RANBP2: variants seen among roughly 807,000 people sequenced by gnomAD.
RANBP2 encodes RAN binding protein 2, also known as E3 SUMO-protein ligase RanBP2.
In RANBP2, 57 loss-of-function variants were observed where a neutral mutation model predicts 303.6. The ratio of observed to expected loss-of-function variants is 0.19; its 90% CI spans 0.15 to 0.23. The LOEUF is 0.23. RANBP2 is among the 10% of genes least tolerant of loss of function. The probability of loss-of-function intolerance (pLI) is 1.00; values close to 1 mark genes in which losing one functional copy is unlikely to be tolerated. For missense variants in RANBP2, 3,138 were observed against 3,780.8 expected (o/e 0.83, Z 4.46); for synonymous variants, 1,167 against 1,301.5 (o/e 0.90, Z 2.23).
the RANBP2 span, among the ~76,000 whole-genome samples, chr2:109,223,101 CAG>C: frequency 1.4e-4 from 21 of 152,384 alleles, no homozygotes; most frequent in East Asian, 3.9e-4. Context: ...CCATCCCAGA[CAG>C]GGGGAAGCAG....
the RANBP2 span, among the ~76,000 whole-genome samples, chr2:109,306,489 T>A: frequency 6.6e-6 from 1 of 152,092 alleles, no homozygotes; most frequent in African/African-American, 2.4e-5. Context: ...GCAGGTGCCA[T>A]GGAGGGGCAG....
chr2:109,169,753 T>TACAC, the RANBP2 span, among the ~76,000 whole-genome samples: 494 of 149,792 alleles, frequency 3.3e-3, 2 homozygotes, highest in African/African-American at 0.011. Flanking sequence ...AAAACAACCA[T>TACAC]ACACACACAC....
At chr2:109,505,714 C>T in the RANBP2 span, among the ~76,000 whole-genome samples, 5 of 152,082 alleles carry the variant, frequency 3.3e-5, no homozygotes, top group African/African-American at 7.2e-5. Context: ...ATGAATTGCC[C>T]CAGGTCACAT....
At chr2:109,041,377 C>T in the RANBP2 span, among the ~76,000 whole-genome samples, 1 of 152,090 alleles carries the variant, frequency 6.6e-6, no homozygotes, top group African/African-American at 2.4e-5. Flanking sequence ...TGTCATGATC[C>T]CTATTTCAAA....
the RANBP2 span, among the ~76,000 whole-genome samples, chr2:108,843,876 G>GTGTGTT: frequency 2.7e-3 from 38 of 13,892 alleles, no homozygotes; most frequent in Admixed American, 3.2e-3. Flanking sequence ...GTGTGTGTGT[G>GTGTGTT]TGTTTCTTTC....
the RANBP2 span, among the ~76,000 whole-genome samples, chr2:109,670,870 T>A: frequency 1.3e-5 from 2 of 152,164 alleles, no homozygotes; most frequent in African/African-American, 2.4e-5. Flanking sequence ...GGTCTGAGTT[T>A]CTGCTGCTCC....
intron 1 of RANBP2, among the ~76,000 whole-genome samples, chr2:108,728,731 A>G (rs1205873258): frequency 1.2e-4 from 18 of 151,630 alleles, no homozygotes; most frequent in Non-Finnish European, 2.5e-4. Flanking sequence ...TGCAACCTCC[A>G]CCTCCTGGGT....
At chr2:109,127,058 C>G in the RANBP2 span, among the ~76,000 whole-genome samples, 12 of 152,322 alleles carry the variant, frequency 7.9e-5, 1 homozygote, top group South Asian at 1.5e-3. Flanking sequence ...CTTCGGCCCT[C>G]AAGGGAAGCC....
At chr2:109,420,417 A>AT in the RANBP2 span, among the ~76,000 whole-genome samples, 2 of 151,910 alleles carry the variant, frequency 1.3e-5, no homozygotes, top group Non-Finnish European at 2.9e-5. Context: ...ACAGAACAGG[A>AT]TTTTTTGTTG....
At chr2:108,912,568 G>A in the RANBP2 span, 1 of 1,050,470 alleles carries the variant, frequency 9.5e-7, no homozygotes, top group Non-Finnish European at 1.4e-6. Flanking sequence ...GTGAGGCCAG[G>A]TGGGGAAGCG....
At chr2:109,026,351 A>G in the RANBP2 span, among the ~76,000 whole-genome samples, 25 of 136,496 alleles carry the variant, frequency 1.8e-4, 1 homozygote, top group Admixed American at 7.4e-4. Context: ...CTGGTCCTGA[A>G]CTCCTAGGCT....
chr2:108,799,489 G>C, the RANBP2 span, among the ~76,000 whole-genome samples: 3 of 152,142 alleles, frequency 2.0e-5, no homozygotes, highest in Admixed American at 6.6e-5. Flanking sequence ...GGCAACCACT[G>C]ACCTATTTTC....
chr2:108,729,229 T>C, intron 2 of RANBP2, 30 bp downstream of exon 2: 1 of 1,555,942 alleles, frequency 6.4e-7, no homozygotes, highest in Non-Finnish European at 8.7e-7. Flanking sequence ...TGTATTTTTT[T>C]TTTAAAATCA....
chr2:108,837,640 T>A, the RANBP2 span, among the ~76,000 whole-genome samples: 7 of 152,234 alleles, frequency 4.6e-5, no homozygotes, highest in Admixed American at 4.6e-4. Context: ...AACAAACCTG[T>A]GCTGCCAGTT....
the RANBP2 span, among the ~76,000 whole-genome samples, chr2:108,850,275 GA>G: frequency 6.6e-6 from 1 of 152,094 alleles, no homozygotes; most frequent in African/African-American, 2.4e-5. Flanking sequence ...AAATTTAGTA[GA>G]AAATGAGAAA....
At chr2:109,734,500 T>A in the RANBP2 span, among the ~76,000 whole-genome samples, 1 of 152,152 alleles carries the variant, frequency 6.6e-6, no homozygotes, top group Non-Finnish European at 1.5e-5. Flanking sequence ...ATCAAAGTAA[T>A]TGAAAATACA....
At chr2:109,086,421 C>T in the RANBP2 span, among the ~76,000 whole-genome samples, 3 of 152,196 alleles carry the variant, frequency 2.0e-5, no homozygotes. Context: ...TCATGTAATT[C>T]TCCAAACAAG....
chr2:109,371,263 G>A, the RANBP2 span, among the ~76,000 whole-genome samples: 3 of 152,220 alleles, frequency 2.0e-5, no homozygotes, highest in East Asian at 3.9e-4. Context: ...GGTGGCACAC[G>A]CCTGTAATCC....
At chr2:109,354,091 G>A in the RANBP2 span, among the ~76,000 whole-genome samples, 8 of 152,352 alleles carry the variant, frequency 5.3e-5, no homozygotes, top group African/African-American at 9.6e-5. Flanking sequence ...GATGGCAGTC[G>A]GCTGTCAGAG....
Sources: allele counts gnomAD v4.1 joint callset (sites outside exome capture counted in the v4.1 genomes callset), GRCh38; gene constraint gnomAD v4.1.1; transcripts MANE v1.5; gene names NCBI Gene and HGNC (gene_info 2026-07-23, HGNC 2026-07-21).